RHOXF2B: variants seen among roughly 807,000 people sequenced by gnomAD.
The protein encoded by RHOXF2B is Rhox homeobox family member 2B.
A neutral mutation model predicts 9.0 loss-of-function variants in RHOXF2B; 1 was observed. The observed-to-expected ratio is 0.11, with a 90% CI of 0.04 to 0.53. RHOXF2B has a LOEUF of 0.53. RHOXF2B is among the 20% of genes least tolerant of loss of function. The pLI is 0.93. For synonymous variants in RHOXF2B, 10 were observed against 63.7 expected (o/e 0.16, Z 4.02); for missense variants, 22 against 130.1 (o/e 0.17, Z 4.04).
At chrX:120,075,676 C>T (rs2057162689) in intron 3 of RHOXF2B, among the ~76,000 whole-genome samples, 1 of 104,595 alleles carries the variant, frequency 9.6e-6, no homozygotes. Context: ...ATTTTTTTTT[C>T]CGTGGATTGT....
At chrX:120,076,010 AT>A in intron 2 of RHOXF2B, 65 bp from the exon 3 acceptor site, 1 of 323,157 alleles carries the variant, frequency 3.1e-6, no homozygotes, top group Non-Finnish European at 5.6e-6. Context: ...CTTGTGTTTA[AT>A]TTTTTTATTC....
chrX:120,077,056 A>C lies in RHOXF2B; in HGVS notation c.312T>G (p.Val104=), dbSNP rs782584583. 44 of 1,050,812 alleles carry C rather than the reference A, an allele frequency of 4.2e-5. 5 individuals carry two copies. The highest frequency in any genetic ancestry group is 4.4e-5 in the Non-Finnish European group (35 of 798,494). The allele number at this position is 1,050,812 out of a possible 1,213,427, so 86.6% of individuals were successfully genotyped here. The stretch of plus-strand genomic sequence containing the variant: ...CCTTCTCGCTCTGGTCGCTGTCCTC[A>C]ACGTTGCCATCGCTGCCGCTGGTGC... ...LEGTSGSDGN[V]EDSDQSEKEP... Residue 104 remains valine (V), a synonymous_variant, in exon 2 of 4, where the codon GTT becomes GTG. Transcript: ENST00000371402.
At chrX:120,075,666 A>AT (rs781996824) in intron 3 of RHOXF2B, among the ~76,000 whole-genome samples, 7,082 of 95,765 alleles carry the variant, frequency 0.074, 7 homozygotes, top group African/African-American at 0.17. Flanking sequence ...TTCAGTACTC[A>AT]TTTTTTTTTC....
intron 1 of RHOXF2B, 57 bp from the exon 2 acceptor site, chrX:120,077,345 AAGG>A (rs2057170658): frequency 2.6e-6 from 1 of 383,609 alleles, no homozygotes; most frequent in African/African-American, 6.6e-5. Context: ...AGGGTGTTGG[AAGG>A]AGGTGGTGAG....
At chrX:120,075,797 C>T (rs2057163371) in intron 3 of RHOXF2B, 103 bp downstream of exon 3, 1 of 427,916 alleles carries the variant, frequency 2.3e-6, no homozygotes, top group African/African-American at 2.5e-5. Flanking sequence ...TGAAAAAGGC[C>T]ACAAAAACAC....
At chrX:120,073,075 TCCTTTTATCTGTAATATTA>T (rs1322134167) in intron 3 of RHOXF2B, among the ~76,000 whole-genome samples, 1 of 63,999 alleles carries the variant, frequency 1.6e-5, no homozygotes, top group African/African-American at 6.3e-5. Context: ...TTTGTCTCTC[TCCTTTTATCTGTAATATTA>T]CTTTTTCCAC....
chrX:120,076,889 C>G lies in RHOXF2B; in HGVS notation c.479G>C (p.Ser160Thr), dbSNP rs1555996211. Residue 160 changes from serine (S) to threonine (T), a missense_variant, in exon 2 of 4, where the codon AGT becomes ACT. By Grantham distance (58) the Ser-to-Thr change is moderately conservative. Around this residue, in one of 3 missense-constraint regions of RHOXF2B, gnomAD observed 4 missense variants for 58.5 expected, o/e 0.07. Coordinates refer to ENST00000371402, the MANE Select transcript of RHOXF2B (RefSeq NM_001099685.3). Reference protein sequence around the residue: ...ECIFQREQFPSEFLRRRLARS... With the variant: ...ECIFQREQFPTEFLRRRLARS... ...GCAATGGGCTTACCGCAGGAACTCACTGGGGAACTGCTCGCGTTGGAAAAT... is the reference window on the plus strand; with the variant it reads ...GCAATGGGCTTACCGCAGGAACTCAGTGGGGAACTGCTCGCGTTGGAAAAT... 2.9e-6 allele frequency: 2 copies of G among 700,400 alleles called. No homozygotes were observed. Among genetic ancestry groups the G allele is most frequent in the Admixed American group, 7.8e-5 (2 of 25,690 alleles). The allele number at this position is 700,400 out of a possible 1,213,427, so 57.7% of individuals were successfully genotyped here.
chrX:120,076,947 A>C lies in RHOXF2B; in HGVS notation c.421T>G (p.Phe141Val). The part of the protein sequence containing the change: ...GNAQQPNVHA[F>V]TPLQLQELEC... ...AGCTCCTGCAGCTGCAATGGGGTGAAGGCGTGGACGTTGGGCTGCTGCGCG... is the reference window on the plus strand; with the variant it reads ...AGCTCCTGCAGCTGCAATGGGGTGACGGCGTGGACGTTGGGCTGCTGCGCG... The change falls in exon 2 of 4, where the codon TTC becomes GTC. Residue 141 changes from phenylalanine (F) to valine (V), a missense_variant. Phe to Val is a conservative substitution (Grantham distance 50). This residue lies in a region of RHOXF2B where 4 missense variants were observed against 58.5 expected (regional missense o/e 0.07). Transcript: ENST00000371402. 1 of 762,724 alleles carries C rather than the reference A, an allele frequency of 1.3e-6. No individual in the cohort carries two copies. Among genetic ancestry groups the C allele is most frequent in the Non-Finnish European group, 1.7e-6 (1 of 582,194 alleles). The allele number at this position is 762,724 out of a possible 1,213,427, so 62.9% of individuals were successfully genotyped here.
chrX:120,075,591 A>C (rs2057162193), intron 3 of RHOXF2B, among the ~76,000 whole-genome samples: 1 of 81,342 alleles, frequency 1.2e-5, no homozygotes, highest in Admixed American at 1.4e-4. Context: ...GAATACATAT[A>C]TTTATATATT....
chrX:120,076,858 A>G lies in RHOXF2B; in HGVS notation c.491+19T>C. The G allele has an allele frequency of 4.0e-6, 3 of 752,364 alleles. No homozygotes were observed. The highest frequency in any genetic ancestry group is 5.2e-6 in the Non-Finnish European group (3 of 580,699). 62.0% of individuals were successfully genotyped at this position (752,364 alleles called of 1,213,427 possible). On this transcript the variant is annotated intron_variant, in intron 2 of 3. Transcript: ENST00000371402. ...CCGCCTCCCTGCAAACCGCGCGCCA[A>G]CCAGAGCAATGGGCTTACCGCAGGA...
Position 120,076,942 on chromosome X carries a change from G to T in RHOXF2B, c.426C>A (p.Thr142=). 1.3e-6 allele frequency: 1 copy of T among 742,454 alleles called. No individual in the cohort carries two copies. The highest frequency in any genetic ancestry group is 1.8e-6 in the Non-Finnish European group (1 of 565,993). The allele number at this position is 742,454 out of a possible 1,213,427, so 61.2% of individuals were successfully genotyped here. A position where few individuals can be genotyped will look rare whatever the true frequency, so the allele number is the denominator to read the frequency against. The change falls in exon 2 of 4, where the codon ACC becomes ACA. Residue 142 remains threonine (T), a synonymous_variant. Transcript: ENST00000371402. ...NAQQPNVHAF[T]PLQLQELECI... ...ACTCCAGCTCCTGCAGCTGCAATGGGGTGAAGGCGTGGACGTTGGGCTGCT... is the reference window on the plus strand; with the variant it reads ...ACTCCAGCTCCTGCAGCTGCAATGGTGTGAAGGCGTGGACGTTGGGCTGCT...
chrX:120,075,666 AT>A (rs781996824), intron 3 of RHOXF2B, among the ~76,000 whole-genome samples: 4 of 101,500 alleles, frequency 3.9e-5, no homozygotes, highest in African/African-American at 3.4e-5. Flanking sequence ...TTCAGTACTC[AT>A]TTTTTTTTCC....
chrX:120,075,160 CA>C (rs2057160401), intron 3 of RHOXF2B, among the ~76,000 whole-genome samples: 2 of 90,273 alleles, frequency 2.2e-5, no homozygotes, highest in African/African-American at 7.3e-5. Flanking sequence ...GCAATGTTTT[CA>C]GCCTGCCATA....
intron 3 of RHOXF2B, among the ~76,000 whole-genome samples, chrX:120,074,163 G>GT (rs1177634571): frequency 5.8e-5 from 3 of 51,468 alleles, no homozygotes; most frequent in African/African-American, 1.8e-4. Context: ...TAAGCCTACC[G>GT]TAATAGTGCT....
Sources: allele counts gnomAD v4.1 joint callset (sites outside exome capture counted in the v4.1 genomes callset), GRCh38; gene constraint gnomAD v4.1.1; regional missense constraint gnomAD v4.1.1; transcripts MANE v1.5; gene names NCBI Gene and HGNC (gene_info 2026-07-23, HGNC 2026-07-21).